NUP43: variants seen among roughly 807,000 people sequenced by gnomAD.
The protein encoded by NUP43 is nucleoporin 43.
Under a neutral mutation model 47.3 loss-of-function variants are expected in NUP43, and 32 were observed. The ratio of observed to expected loss-of-function variants is 0.68; its 90% CI spans 0.51 to 0.91. The LOEUF is 0.91. NUP43 is among the 40% of genes least tolerant of loss of function. The pLI is 0.00. For synonymous variants in NUP43, 147 were observed against 158.4 expected (o/e 0.93, Z 0.54); for missense variants, 444 against 453.9 (o/e 0.98, Z 0.20).
chr6:149,746,656 C>G (rs767586926), upstream of NUP43: 7 of 1,565,686 alleles, frequency 4.5e-6, no homozygotes, highest in African/African-American at 1.4e-5. Flanking sequence ...ACAGTCAGTA[C>G]CTAGACTGAG....
At position 149,735,729 on chromosome 6, in the gene NUP43, C is replaced by T. The variant is rs559420107; in HGVS notation, c.790+742G>A. On this transcript the variant is annotated intron_variant, in intron 6 of 7. Coordinates refer to ENST00000340413, the MANE Select transcript of NUP43 (RefSeq NM_198887.3). ...ACTCATACCTGTAATCTCAGCACTT[C>T]CTGAGGATCACTTGAGCCCAGGAGT... Among the ~76,000 whole-genome samples, 8 of 151,414 alleles carry T rather than the reference C, an allele frequency of 5.3e-5. 1 individual carries two copies. The South Asian group carries it at 1.2e-3, about 24-fold the overall frequency.
At chr6:149,742,246 G>C in intron 4 of NUP43, 144 bp downstream of exon 4, 1 of 655,368 alleles carries the variant, frequency 1.5e-6, no homozygotes, top group South Asian at 1.7e-5. Flanking sequence ...GGCTGGTCTC[G>C]GACTCCCGAC....
chr6:149,727,920 A>G, intron 7 of NUP43: 1 of 984,754 alleles, frequency 1.0e-6, no homozygotes, highest in African/African-American at 1.7e-5. Flanking sequence ...TCACTCAACA[A>G]ATGACTGAGT....
intron 7 of NUP43, 114 bp from the exon 8 acceptor site, chr6:149,727,312 G>A: frequency 6.9e-7 from 1 of 1,443,686 alleles, no homozygotes; most frequent in Non-Finnish European, 9.1e-7. Context: ...TTAATTCTCA[G>A]AATAATAGGC....
At chr6:149,727,984 T>C (rs1784869246) in intron 7 of NUP43, 1 of 985,290 alleles carries the variant, frequency 1.0e-6, no homozygotes, top group Admixed American at 6.2e-5. Flanking sequence ...TCCCTATGTC[T>C]TGAAGCTTAA....
At position 149,725,573 on chromosome 6, in the gene NUP43, G is replaced by C. The variant is rs1029233402; in HGVS notation, c.*1396C>G. ...CATTTCACTCCAGCCTCAGCAACAA[G>C]AGCAAAACTCCATCTCAAAAAATAT... On this transcript the variant is annotated 3_prime_UTR_variant, in exon 8 of 8. Coordinates refer to ENST00000340413, the MANE Select transcript of NUP43 (RefSeq NM_198887.3). 1.3e-5 allele frequency: 2 copies of C among 152,104 alleles called. No individual in the cohort carries two copies. The highest frequency in any genetic ancestry group is 4.1e-4 in the South Asian group (2 of 4,826). The allele number at this position is 152,104 out of a possible 1,614,324, so 9.4% of individuals were successfully genotyped here.
intron 2 of NUP43, among the ~76,000 whole-genome samples, chr6:149,745,216 T>C (rs186038526): frequency 5.3e-5 from 8 of 151,664 alleles, no homozygotes; most frequent in Admixed American, 3.9e-4. Context: ...GTGGCTAATA[T>C]GGTGAAACCC....
Position 149,743,646 on chromosome 6 carries a change from T to G in NUP43, c.313A>C (p.Asn105His). Reference sequence around the variant, plus strand: ...AAACTAAAGTTCTTTACCTGGTTATTTGGATGGTGAAGGAAAACTGTTACA... The same window carrying G: ...AAACTAAAGTTCTTTACCTGGTTATGTGGATGGTGAAGGAAAACTGTTACA... ...GCVTVFLHHP[N>H]NQTLSVNQQW... is the part of the protein sequence containing the mutation. The change falls in exon 3 of 8, where the codon AAT becomes CAT. Residue 105 changes from asparagine (N) to histidine (H), a missense_variant. Transcript: ENST00000340413. The G allele has an allele frequency of 6.2e-7, 1 of 1,600,316 alleles. No individual in the cohort carries two copies.
intron 7 of NUP43, chr6:149,727,740 T>C: frequency 2.0e-6 from 2 of 982,958 alleles, no homozygotes; most frequent in Non-Finnish European, 2.4e-6. Context: ...AGATAAATGT[T>C]CTTACAAGCA....
Position 149,727,165 on chromosome 6 carries a change from A to G in NUP43, c.947T>C (p.Ile316Thr). The G allele has an allele frequency of 6.2e-7, 1 of 1,614,148 alleles. No individual in the cohort carries two copies. The highest frequency in any genetic ancestry group is 8.5e-7 in the Non-Finnish European group (1 of 1,180,014). Residue 316 changes from isoleucine to threonine, a missense_variant, in exon 8 of 8, where the codon ATT becomes ACT. Transcript: ENST00000340413. ...CTGGTGAACATTAGCTTGGTTACTA[A>G]TGCTATGAGACAAAAAAGTACTGCT... ...GRSSTFLSHS[I>T]SNQANVHQSV...
At chr6:149,744,528 GAA>G (rs879345739) in intron 2 of NUP43, among the ~76,000 whole-genome samples, 1 of 100,448 alleles carries the variant, frequency 1.0e-5, no homozygotes, top group African/African-American at 3.9e-5. Context: ...TCATAAAAAA[GAA>G]AAAAAAAAAA....
In NUP43 at chr6:149,745,954, C is replaced by T. The variant is rs1350447943; in HGVS notation, c.229G>A (p.Val77Ile). ...CACAGATTTACCTGTAAATCCATTA[C>T]ATCACCATGGTGTCTGATATCACAC... ...LLCDIRHHGD[V>I]MDLQFFDQER... Residue 77 changes from valine to isoleucine, a missense_variant, in exon 2 of 8, where the codon GTA becomes ATA. By Grantham distance (29) the Val-to-Ile change is conservative (BLOSUM62 3). Coordinates refer to ENST00000340413, the MANE Select transcript of NUP43 (RefSeq NM_198887.3). 20 of 1,611,618 alleles carry T rather than the reference C, an allele frequency of 1.2e-5. No individual in the cohort carries two copies. Among genetic ancestry groups the T allele is most frequent in the Non-Finnish European group, 1.6e-5 (19 of 1,179,254 alleles).
chr6:149,744,263 C>A (rs1005855708), intron 2 of NUP43, among the ~76,000 whole-genome samples: 1 of 152,056 alleles, frequency 6.6e-6, no homozygotes, highest in Admixed American at 6.6e-5. Flanking sequence ...CGGTGGCTGA[C>A]GCCTGTAATC....
intron 6 of NUP43, among the ~76,000 whole-genome samples, chr6:149,733,028 T>C (rs543139553): frequency 6.6e-5 from 10 of 152,186 alleles, no homozygotes; most frequent in Non-Finnish European, 1.0e-4. Context: ...GCTGGAATTA[T>C]AGGTGTGTGC....
intron 4 of NUP43, among the ~76,000 whole-genome samples, chr6:149,739,012 T>G (rs78143498): frequency 4.0e-5 from 6 of 151,716 alleles, no homozygotes; most frequent in Admixed American, 3.9e-4. Flanking sequence ...TTTTTTTTTT[T>G]GCTCGTTGCC....
intron 6 of NUP43, among the ~76,000 whole-genome samples, chr6:149,735,736 A>G (rs1221819837): frequency 6.6e-6 from 1 of 151,336 alleles, no homozygotes; most frequent in Non-Finnish European, 1.5e-5. Context: ...CTTCCTGAGG[A>G]TCACTTGAGC....
intron 7 of NUP43, chr6:149,727,667 TTTG>T (rs1784852300): frequency 1.2e-6 from 1 of 801,558 alleles, no homozygotes; most frequent in Non-Finnish European, 1.5e-6. Flanking sequence ...TAAATATATA[TTTG>T]TTACTATATT....
chr6:149,731,034 G>A (rs1387498390), intron 7 of NUP43, among the ~76,000 whole-genome samples: 1 of 152,084 alleles, frequency 6.6e-6, no homozygotes, highest in Non-Finnish European at 1.5e-5. Flanking sequence ...TGGGGAGGCT[G>A]AGGTGGTCAG....
intron 5 of NUP43, among the ~76,000 whole-genome samples, chr6:149,737,388 T>C (rs1339052730): frequency 6.6e-6 from 1 of 152,058 alleles, no homozygotes; most frequent in Non-Finnish European, 1.5e-5. Context: ...AAGAGCCTTT[T>C]GCCTCAGCCT....
Sources: gnomAD v4.1 joint callset for allele counts (sites outside exome capture counted in the v4.1 genomes callset) on GRCh38, gnomAD v4.1.1 for gene constraint, MANE v1.5 for transcripts, NCBI Gene and HGNC (gene_info 2026-07-23, HGNC 2026-07-21) for gene names.